Variants in STOX1 observed in about 807,000 individuals in gnomAD.
The protein encoded by STOX1 is storkhead box 1.
STOX1 carries 57 observed loss-of-function variants against 74.8 expected under a neutral mutation model. The ratio of observed to expected loss-of-function variants is 0.76; its 90% CI spans 0.62 to 0.95. The LOEUF is 0.95. Ranked by LOEUF, STOX1 falls within the 40% of genes least tolerant of loss-of-function variation. The pLI, the probability that STOX1 is intolerant of heterozygous loss-of-function variation, is 0.00. For missense variants in STOX1, 1,010 were observed against 1,117.0 expected (o/e 0.90, Z 1.37); for synonymous variants, 375 against 401.3 (o/e 0.93, Z 0.78).
At chr10:68,840,219 C>T (rs1839659379) in intron 1 of STOX1, among the ~76,000 whole-genome samples, 1 of 152,168 alleles carries the variant, frequency 6.6e-6, no homozygotes, top group Non-Finnish European at 1.5e-5. Flanking sequence ...GACACTAAGA[C>T]TCCTAGAAGA....
intron 1 of STOX1, among the ~76,000 whole-genome samples, chr10:68,866,534 ACACTCTCC>A (rs913307762): frequency 1.2e-4 from 19 of 152,196 alleles, no homozygotes; most frequent in African/African-American, 4.6e-4. Context: ...GCTGTGCTAT[ACACTCTCC>A]CAGTTCTGCC....
chr10:68,881,771 A>G (rs1182849287), intron 1 of STOX1, among the ~76,000 whole-genome samples, 187 bp from the exon 2 acceptor site: 2 of 152,224 alleles, frequency 1.3e-5, no homozygotes, highest in South Asian at 4.1e-4. Context: ...AGAGACCACA[A>G]TGTAAATCTT....
intron 1 of STOX1, among the ~76,000 whole-genome samples, chr10:68,862,470 A>T (rs559579085): frequency 6.6e-6 from 1 of 152,122 alleles, no homozygotes; most frequent in Non-Finnish European, 1.5e-5. Flanking sequence ...TCCAAATTGT[A>T]TTGTTTTCAA....
At position 68,845,525 on chromosome 10, in the gene STOX1, C is replaced by T. The variant is rs190843011; in HGVS notation, c.310+17592C>T. 4.5e-3 allele frequency among the ~76,000 whole-genome samples: 689 copies of T among 152,084 alleles called. 3 individuals are homozygous for T. The highest frequency in any genetic ancestry group is 0.016 in the African/African-American group (649 of 41,502). On this transcript the variant is annotated intron_variant, in intron 1 of 3. Transcript: ENST00000298596. The stretch of plus-strand genomic sequence containing the variant: ...TCCTGACCTCGTGATCCACCTGCCT[C>T]GGCCTCCCAAAGTGCTGGAATTACA...
chr10:68,828,677 A>T (rs910407326), intron 1 of STOX1, among the ~76,000 whole-genome samples: 1 of 152,174 alleles, frequency 6.6e-6, no homozygotes, highest in Non-Finnish European at 1.5e-5. Context: ...AGAGTTTACC[A>T]TATCTGGCAG....
chr10:68,833,944 C>G (rs1425504475), intron 1 of STOX1, among the ~76,000 whole-genome samples: 1 of 152,310 alleles, frequency 6.6e-6, no homozygotes, highest in Non-Finnish European at 1.5e-5. Context: ...ACATCTAGTT[C>G]AAGAGGGGAT....
intron 1 of STOX1, among the ~76,000 whole-genome samples, chr10:68,840,279 A>G (rs1839660682): frequency 6.6e-6 from 1 of 152,230 alleles, no homozygotes; most frequent in African/African-American, 2.4e-5. Context: ...GATTTTTTGG[A>G]TATGACACCA....
chr10:68,860,988 C>G (rs1050506942), intron 1 of STOX1, among the ~76,000 whole-genome samples: 5 of 152,076 alleles, frequency 3.3e-5, no homozygotes, highest in Admixed American at 3.3e-4. Context: ...GTGGGCAGAT[C>G]ACCTGAGTTC....
chr10:68,869,465 C>T (rs1840487023), intron 1 of STOX1, among the ~76,000 whole-genome samples: 1 of 152,124 alleles, frequency 6.6e-6, no homozygotes, highest in Non-Finnish European at 1.5e-5. Context: ...CTGATGGGAT[C>T]AGAAAACTAT....
chr10:68,834,923 C>T (rs1002808561), intron 1 of STOX1, among the ~76,000 whole-genome samples: 2 of 152,096 alleles, frequency 1.3e-5, no homozygotes, highest in Non-Finnish European at 1.5e-5. Context: ...GGGGTTTCTC[C>T]ATGTTGGCCA....
intron 1 of STOX1, among the ~76,000 whole-genome samples, chr10:68,836,017 G>A (rs970461569): frequency 2.6e-5 from 4 of 152,148 alleles, no homozygotes; most frequent in Admixed American, 6.6e-5. Flanking sequence ...GATTACAGGC[G>A]CGTGCCACCA....
At chr10:68,890,116 TG>T (rs1399942389) in intron 3 of STOX1, among the ~76,000 whole-genome samples, 1 of 152,088 alleles carries the variant, frequency 6.6e-6, no homozygotes, top group Non-Finnish European at 1.5e-5. Flanking sequence ...TTCTTTTTAA[TG>T]GCTGTTTAGC....
intron 1 of STOX1, among the ~76,000 whole-genome samples, chr10:68,842,831 G>A (rs961948957): frequency 1.3e-5 from 2 of 151,350 alleles, no homozygotes; most frequent in African/African-American, 4.9e-5. Flanking sequence ...GAGCCACTGC[G>A]CCTGGCCGGC....
At chr10:68,886,655 G>T (rs367557316) in intron 3 of STOX1, 37 bp downstream of exon 3, 1 of 1,591,854 alleles carries the variant, frequency 6.3e-7, no homozygotes, top group Non-Finnish European at 8.6e-7. Context: ...TAGGCCGGGC[G>T]CAGTGGCTCA....
Position 68,890,653 on chromosome 10 carries a change from T to C in STOX1, c.2823-1936T>C, listed in dbSNP as rs962415302. Among the ~76,000 whole-genome samples, 13 of 147,444 alleles carry C rather than the reference T, an allele frequency of 8.8e-5. No individual in the cohort carries two copies. The South Asian group carries it at 1.5e-3, about 17-fold the overall frequency. On this transcript the variant is annotated intron_variant, in intron 3 of 3. Transcript: ENST00000298596. The stretch of plus-strand genomic sequence containing the variant: ...ATTGGGGGTGCAAGACCTTTTCTTT[T>C]TTTTTTTTTTTTTTTGAGATGGAGT...
At chr10:68,882,230 A>G in intron 2 of STOX1, 120 bp downstream of exon 2, 3 of 940,092 alleles carry the variant, frequency 3.2e-6, no homozygotes. Flanking sequence ...ATAGAACTTT[A>G]TATCAGAACC....
At chr10:68,828,434 C>G (rs1168084652) in intron 1 of STOX1, among the ~76,000 whole-genome samples, 1 of 152,132 alleles carries the variant, frequency 6.6e-6, no homozygotes, top group Non-Finnish European at 1.5e-5. Context: ...CCAAGACGCC[C>G]CGGAGACGTT....
chr10:68,885,238 C>G lies in STOX1; in HGVS notation c.1442C>G (p.Thr481Arg). 1 of 1,614,216 alleles carries G rather than the reference C, an allele frequency of 6.2e-7. No homozygotes were observed. The highest frequency in any genetic ancestry group is 8.5e-7 in the Non-Finnish European group (1 of 1,180,050). The change falls in exon 3 of 4, where the codon ACA (threonine) becomes AGA (arginine). Residue 481 changes from threonine (T) to arginine (R), a missense_variant. By Grantham distance (71) the Thr-to-Arg change is moderately conservative. Coordinates refer to ENST00000298596, the MANE Select transcript of STOX1 (RefSeq NM_152709.5). ...VGQKPLGEIT[T>R]VLGSHLIYKK... is the part of the protein sequence containing the mutation. ...CAGAAACCACTTGGTGAGATTACAA[C>G]AGTGCTAGGTTCCCATTTGATTTAC... is the stretch of plus-strand genomic sequence containing the variant.
At chr10:68,834,475 C>A (rs559173421) in intron 1 of STOX1, among the ~76,000 whole-genome samples, 15 of 152,164 alleles carry the variant, frequency 9.9e-5, no homozygotes, top group Non-Finnish European at 2.1e-4. Flanking sequence ...TTTCTGAAGT[C>A]CTACCTTGAA....
Sources: gnomAD v4.1 joint callset for allele counts (sites outside exome capture counted in the v4.1 genomes callset) on GRCh38, gnomAD v4.1.1 for gene constraint, MANE v1.5 for transcripts, NCBI Gene and HGNC (gene_info 2026-07-23, HGNC 2026-07-21) for gene names.